The following CYP4X1 variants were observed in gnomAD, a reference collection of about 807,000 sequenced individuals.
The protein encoded by CYP4X1 is cytochrome P450 family 4 subfamily X member 1.
In CYP4X1, 44 loss-of-function variants were observed where a neutral mutation model predicts 57.9. The observed-to-expected ratio is 0.76, with a 90% CI of 0.60 to 0.98. CYP4X1 has a LOEUF of 0.98. CYP4X1 is among the 50% of genes least tolerant of loss of function. The pLI is 0.00. For synonymous variants in CYP4X1, 227 were observed against 228.6 expected, an observed-to-expected ratio of 0.99 and a Z score of 0.06; for missense variants, 532 against 623.9, an observed-to-expected ratio of 0.85 and a Z score of 1.57.
the CYP4X1 span, among the ~76,000 whole-genome samples, chr1:46,998,093 TTTGA>T: frequency 6.6e-6 from 1 of 152,150 alleles, no homozygotes; most frequent in Non-Finnish European, 1.5e-5. Context: ...CTAATACAGT[TTTGA>T]TTTAGTATTA....
chr1:47,011,585 G>T, the CYP4X1 span, among the ~76,000 whole-genome samples: 2 of 152,160 alleles, frequency 1.3e-5, no homozygotes, highest in Non-Finnish European at 2.9e-5. Flanking sequence ...AAGAGTTTCT[G>T]CACAGCAAAA....
the CYP4X1 span, among the ~76,000 whole-genome samples, chr1:47,016,332 T>A: frequency 1.1e-3 from 160 of 146,464 alleles, no homozygotes; most frequent in African/African-American, 3.3e-3. Context: ...GGATTTTTTT[T>A]AATTCTTTTT....
At chr1:47,009,868 G>A in the CYP4X1 span, among the ~76,000 whole-genome samples, 1 of 152,106 alleles carries the variant, frequency 6.6e-6, no homozygotes, top group African/African-American at 2.4e-5. Flanking sequence ...CAGGAAGAAG[G>A]TGAATGTCTG....
chr1:47,039,011 C>T (rs1298345891), intron 7 of CYP4X1, among the ~76,000 whole-genome samples: 1 of 152,086 alleles, frequency 6.6e-6, no homozygotes, highest in Admixed American at 6.6e-5. Context: ...CATATGGATA[C>T]ATGGATTTTA....
intron 6 of CYP4X1, 34 bp downstream of exon 6, chr1:47,036,205 C>T (rs376179063): frequency 3.6e-5 from 57 of 1,581,934 alleles, no homozygotes; most frequent in East Asian, 4.5e-5. Context: ...CACGTCCATA[C>T]GCTGCCATGA....
At chr1:46,981,856 A>T in the CYP4X1 span, among the ~76,000 whole-genome samples, 1 of 152,160 alleles carries the variant, frequency 6.6e-6, no homozygotes, top group Non-Finnish European at 1.5e-5. Context: ...GCTGGCAACC[A>T]TCATTCTGCG....
the CYP4X1 span, among the ~76,000 whole-genome samples, chr1:46,962,710 A>G: frequency 1.8e-4 from 28 of 152,324 alleles, no homozygotes; most frequent in African/African-American, 6.7e-4. Context: ...TGTCGTTCTG[A>G]GAAGAATGTA....
At chr1:46,974,347 C>T in the CYP4X1 span, among the ~76,000 whole-genome samples, 7,433 of 151,894 alleles carry the variant, frequency 0.049, 503 homozygotes, top group African/African-American at 0.15. Flanking sequence ...TATGACCAAG[C>T]GTAGGGTCCA....
intron 4 of CYP4X1, among the ~76,000 whole-genome samples, chr1:47,034,235 G>A (rs1644155435): frequency 6.6e-6 from 1 of 152,146 alleles, no homozygotes; most frequent in South Asian, 2.1e-4. Flanking sequence ...GGCTATAAAG[G>A]ACCAAGCAAA....
At chr1:47,000,462 G>A in the CYP4X1 span, among the ~76,000 whole-genome samples, 2 of 152,130 alleles carry the variant, frequency 1.3e-5, no homozygotes, top group African/African-American at 4.8e-5. Context: ...TTTCTGGGGG[G>A]TTTGGCCCGG....
chr1:46,998,092 T>A, the CYP4X1 span, among the ~76,000 whole-genome samples: 1 of 152,156 alleles, frequency 6.6e-6, no homozygotes, highest in African/African-American at 2.4e-5. Context: ...GCTAATACAG[T>A]TTTGATTTAG....
chr1:47,033,004 T>G (rs956932033), intron 3 of CYP4X1, among the ~76,000 whole-genome samples: 4 of 152,130 alleles, frequency 2.6e-5, no homozygotes, highest in Admixed American at 2.0e-4. Context: ...GCTTTGAAAT[T>G]TATTAGACTT....
chr1:47,002,759 C>T, the CYP4X1 span, among the ~76,000 whole-genome samples: 1 of 152,314 alleles, frequency 6.6e-6, no homozygotes, highest in East Asian at 1.9e-4. Flanking sequence ...GGGAGTTTTC[C>T]TCAAACACGG....
upstream of CYP4X1, among the ~76,000 whole-genome samples, chr1:47,019,245 C>T (rs960592747): frequency 2.6e-5 from 4 of 152,128 alleles, no homozygotes; most frequent in Admixed American, 6.5e-5. Context: ...CCAGGTGCTG[C>T]GGTGATTACC....
chr1:47,034,855 C>T (rs1644162831), intron 4 of CYP4X1, among the ~76,000 whole-genome samples: 1 of 151,992 alleles, frequency 6.6e-6, no homozygotes, highest in African/African-American at 2.4e-5. Flanking sequence ...GGATTTTTCT[C>T]ACACTTCCTT....
At chr1:47,042,115 A>G (rs1175040503) in intron 8 of CYP4X1, among the ~76,000 whole-genome samples, 1 of 151,912 alleles carries the variant, frequency 6.6e-6, no homozygotes. Flanking sequence ...TGGACTCTTT[A>G]TCCTGTTTTA....
chr1:47,026,960 C>T (rs1467136590), intron 1 of CYP4X1, among the ~76,000 whole-genome samples: 1 of 152,100 alleles, frequency 6.6e-6, no homozygotes, highest in African/African-American at 2.4e-5. Flanking sequence ...CGTGATCCAC[C>T]CGCCTCACCC....
chr1:46,965,733 G>T, the CYP4X1 span, among the ~76,000 whole-genome samples: 1 of 152,238 alleles, frequency 6.6e-6, no homozygotes, highest in African/African-American at 2.4e-5. Flanking sequence ...TAGTACAGCA[G>T]GTGTGCTGCA....
At chr1:47,052,535 G>T (rs1220410761), downstream of CYP4X1, among the ~76,000 whole-genome samples, 1 of 152,032 alleles carries the variant, frequency 6.6e-6, no homozygotes, top group Non-Finnish European at 1.5e-5. Context: ...GCAAGAAAAT[G>T]TCATTGGCAT....
Sources: allele counts gnomAD v4.1 joint callset (sites outside exome capture counted in the v4.1 genomes callset), GRCh38; gene constraint gnomAD v4.1.1; transcripts MANE v1.5; gene names NCBI Gene and HGNC (gene_info 2026-07-23, HGNC 2026-07-21).